Variants in NR2F1-AS1 observed in about 807,000 individuals in gnomAD.
NR2F1-AS1 encodes the protein NR2F1 antisense RNA 1.
intron 2 of NR2F1-AS1, among the ~76,000 whole-genome samples, chr5:93,556,423 C>A (rs1752357292): frequency 6.6e-6 from 1 of 152,130 alleles, no homozygotes; most frequent in Admixed American, 6.5e-5. Flanking sequence ...TATATAACCA[C>A]TACTAAAGAG....
chr5:93,563,541 C>T (rs2149921396), intron 1 of NR2F1-AS1: 1 of 152,194 alleles, frequency 6.6e-6, no homozygotes, highest in Non-Finnish European at 1.5e-5. Context: ...TTCTATTAGA[C>T]AAAGAGTTGC....
intron 4 of NR2F1-AS1, among the ~76,000 whole-genome samples, chr5:93,433,411 T>C (rs935429417): frequency 6.6e-6 from 1 of 152,224 alleles, no homozygotes; most frequent in Non-Finnish European, 1.5e-5. Context: ...CTGGAGATTA[T>C]GTTGTTAACT....
At chr5:93,519,277 A>G (rs1305042293) in intron 4 of NR2F1-AS1, among the ~76,000 whole-genome samples, 1 of 152,226 alleles carries the variant, frequency 6.6e-6, no homozygotes, top group Middle Eastern at 3.4e-3. Flanking sequence ...TACATCTCAC[A>G]TTCATTCCAG....
intron 4 of NR2F1-AS1, among the ~76,000 whole-genome samples, chr5:93,432,668 T>C (rs1284389033): frequency 6.6e-6 from 1 of 152,192 alleles, no homozygotes; most frequent in Non-Finnish European, 1.5e-5. Context: ...CCATTCCAAC[T>C]ACTGCTGATG....
upstream of NR2F1-AS1, among the ~76,000 whole-genome samples, chr5:93,581,693 T>C (rs1311157765): frequency 5.4e-5 from 3 of 55,864 alleles, no homozygotes; most frequent in East Asian, 5.2e-4. Context: ...TCTCTCTCTC[T>C]CTCTCTCTCT....
rs1749575478 is a variant in NR2F1-AS1 at position 93,441,749 on chromosome 5, T to C, written n.639-46207A>G. On this transcript the variant is annotated intron_variant and non_coding_transcript_variant, in intron 4 of 5. Transcript: ENST00000660523. ...TAAAGCTTCCTGAGCCTTGGCTTCCTCTTTGTCATAAAAATTAGTTAAAAA... is the reference window on the plus strand; with the variant it reads ...TAAAGCTTCCTGAGCCTTGGCTTCCCCTTTGTCATAAAAATTAGTTAAAAA... Among the ~76,000 whole-genome samples the C allele has an allele frequency of 3.3e-5, 5 of 152,244 alleles. No homozygotes were observed. The South Asian group carries it at 1.0e-3, about 31-fold the overall frequency.
intron 4 of NR2F1-AS1, among the ~76,000 whole-genome samples, chr5:93,440,203 C>CTG (rs1749535552): frequency 2.0e-5 from 3 of 151,130 alleles, no homozygotes; most frequent in African/African-American, 7.4e-5. Context: ...GTCTCTCTCT[C>CTG]TCTCTCTCTC....
intron 1 of NR2F1-AS1, among the ~76,000 whole-genome samples, chr5:93,574,224 A>G (rs936232817): frequency 6.9e-6 from 1 of 145,804 alleles, no homozygotes; most frequent in Non-Finnish European, 1.5e-5. Flanking sequence ...AGCAGCCGAT[A>G]TCTGGGGGCT....
chr5:93,460,919 G>C (rs1387893272), intron 4 of NR2F1-AS1, among the ~76,000 whole-genome samples: 2 of 152,206 alleles, frequency 1.3e-5, no homozygotes, highest in African/African-American at 4.8e-5. Flanking sequence ...GTGGAAGACA[G>C]TGTGGCAATA....
intron 4 of NR2F1-AS1, among the ~76,000 whole-genome samples, chr5:93,468,917 T>G (rs1750305297): frequency 6.6e-6 from 1 of 152,192 alleles, no homozygotes; most frequent in Admixed American, 6.5e-5. Flanking sequence ...CTTTCCCCAT[T>G]GCTTGTTTTT....
At chr5:93,460,307 TAG>T (rs1750061009) in intron 4 of NR2F1-AS1, among the ~76,000 whole-genome samples, 1 of 152,176 alleles carries the variant, frequency 6.6e-6, no homozygotes, top group African/African-American at 2.4e-5. Context: ...ATTAGCCTTA[TAG>T]AGTTTCCCAG....
At chr5:93,453,416 G>A (rs895892264) in intron 4 of NR2F1-AS1, among the ~76,000 whole-genome samples, 5 of 151,862 alleles carry the variant, frequency 3.3e-5, no homozygotes, top group Admixed American at 3.3e-4. Context: ...TCTAAATTCT[G>A]TAAAAATAAA....
chr5:93,414,217 T>TG (rs1274145012), intron 4 of NR2F1-AS1, among the ~76,000 whole-genome samples: 1 of 152,228 alleles, frequency 6.6e-6, no homozygotes, highest in East Asian at 1.9e-4. Flanking sequence ...CTTGGACAAG[T>TG]CTGTGGTGAA....
intron 4 of NR2F1-AS1, among the ~76,000 whole-genome samples, chr5:93,489,447 C>T (rs1048058242): frequency 1.3e-5 from 2 of 151,608 alleles, no homozygotes; most frequent in Non-Finnish European, 2.9e-5. Context: ...AGGCATAATG[C>T]TATTGCACAA....
At chr5:93,518,585 T>C (rs917628951) in intron 4 of NR2F1-AS1, among the ~76,000 whole-genome samples, 2 of 152,138 alleles carry the variant, frequency 1.3e-5, no homozygotes, top group Middle Eastern at 3.2e-3. Flanking sequence ...TGCCTTCATC[T>C]GTACTTCAGT....
intron 4 of NR2F1-AS1, among the ~76,000 whole-genome samples, chr5:93,517,842 G>T (rs1482843303): frequency 6.6e-6 from 1 of 152,056 alleles, no homozygotes; most frequent in African/African-American, 2.4e-5. Flanking sequence ...GGAAAACTGG[G>T]TTAAAGTAGG....
At chr5:93,421,878 A>C (rs1749096688) in intron 4 of NR2F1-AS1, among the ~76,000 whole-genome samples, 1 of 152,216 alleles carries the variant, frequency 6.6e-6, no homozygotes, top group African/African-American at 2.4e-5. Context: ...GGCTTCTGTC[A>C]CTTTAAATTT....
At chr5:93,519,319 TTC>T (rs1561479990) in intron 4 of NR2F1-AS1, among the ~76,000 whole-genome samples, 1 of 152,064 alleles carries the variant, frequency 6.6e-6, no homozygotes, top group Non-Finnish European at 1.5e-5. Context: ...ATATTTTAAC[TTC>T]TCTTTCTTTT....
chr5:93,518,894 T>C (rs1751447872), intron 4 of NR2F1-AS1, among the ~76,000 whole-genome samples: 1 of 152,080 alleles, frequency 6.6e-6, no homozygotes. Context: ...GAGATCATCA[T>C]GGTACAGACT....
Sources: gnomAD v4.1 joint callset for allele counts (sites outside exome capture counted in the v4.1 genomes callset) on GRCh38, gnomAD v4.1.1 for gene constraint, MANE v1.5 for transcripts, NCBI Gene and HGNC (gene_info 2026-07-23, HGNC 2026-07-21) for gene names.